The following TIMP2 variants were observed in gnomAD, a reference collection of about 807,000 sequenced individuals.
The protein encoded by TIMP2 is TIMP metallopeptidase inhibitor 2, also known as metalloproteinase inhibitor 2.
A neutral mutation model predicts 24.3 loss-of-function variants in TIMP2; 5 were observed. The ratio of observed to expected loss-of-function variants is 0.21; its 90% CI spans 0.11 to 0.43. The LOEUF is 0.43. TIMP2 is among the 20% of genes least tolerant of loss of function. The pLI is 1.00. For missense variants in TIMP2, 221 were observed against 297.5 expected, an observed-to-expected ratio of 0.74 and a Z score of 1.89; for synonymous variants, 130 against 123.2, an observed-to-expected ratio of 1.06 and a Z score of -0.37.
Position 78,892,648 on chromosome 17 carries a change from C to T in TIMP2, c.131-18729G>A, listed in dbSNP as rs984645616. Reference sequence around the variant, plus strand: ...CAATTTCTGTCCTGTACACTTTTGACAAGAGCCTGTAGGGCAGCTGTTTTG... The same window carrying T: ...CAATTTCTGTCCTGTACACTTTTGATAAGAGCCTGTAGGGCAGCTGTTTTG... On this transcript the variant is annotated intron_variant, in intron 1 of 4. Transcript: ENST00000262768. 6.7e-5 allele frequency: 56 copies of T among 834,598 alleles called. 2 individuals carry two copies. The highest frequency in any genetic ancestry group is 9.4e-5 in the Non-Finnish European group (52 of 552,854). 51.7% of individuals were successfully genotyped at this position (834,598 alleles called of 1,614,324 possible). A position where few individuals can be genotyped will look rare whatever the true frequency, so the allele number is the denominator to read the frequency against.
chr17:78,874,117 C>T, intron 1 of TIMP2, 198 bp from the exon 2 acceptor site: 1 of 512,310 alleles, frequency 2.0e-6, no homozygotes, highest in South Asian at 2.7e-5. Context: ...TGATGCCCAG[C>T]CTCCTCCTCC....
At chr17:78,912,317 G>A (rs113487865) in intron 1 of TIMP2, among the ~76,000 whole-genome samples, 11,586 of 152,246 alleles carry the variant, frequency 0.076, 498 homozygotes, top group Middle Eastern at 0.13. Context: ...CTACCATGAC[G>A]AGCCTTGGCA....
chr17:78,871,255 C>T (rs2069681038), intron 2 of TIMP2, among the ~76,000 whole-genome samples: 1 of 151,400 alleles, frequency 6.6e-6, no homozygotes, highest in Non-Finnish European at 1.5e-5. Flanking sequence ...AGTTTGAGAC[C>T]AGCCTGGCCA....
intron 1 of TIMP2, among the ~76,000 whole-genome samples, chr17:78,893,248 AGTGTGTGTGCAGGG>A (rs1568001072): frequency 3.2e-5 from 2 of 63,286 alleles, no homozygotes; most frequent in East Asian, 4.5e-4. Flanking sequence ...TGTGTGTAGG[AGTGTGTGTGCAGGG>A]GTGTGTGTGT....
At position 78,914,960 on chromosome 17, in the gene TIMP2, G is replaced by A. The variant is rs532626131; in HGVS notation, c.130+9999C>T. 6.7e-5 allele frequency among the ~76,000 whole-genome samples: 10 copies of A among 149,336 alleles called. No individual in the cohort carries two copies. In the East Asian group the frequency reaches 1.6e-3, roughly 24 times the overall value. ...TGCCCAGGCTGGCATGCAGTGGCAC[G>A]ATCTCGGCTCACTGCAACCTCCGCC... On this transcript the variant is annotated intron_variant, in intron 1 of 4. Transcript: ENST00000262768.
chr17:78,883,951 C>T (rs936438259), intron 1 of TIMP2, among the ~76,000 whole-genome samples: 6 of 152,236 alleles, frequency 3.9e-5, no homozygotes, highest in African/African-American at 9.6e-5. Flanking sequence ...TTCCCATTCA[C>T]GTGCTGCTGA....
intron 1 of TIMP2, chr17:78,901,652 A>G (rs2070095220): frequency 1.4e-6 from 1 of 707,306 alleles, no homozygotes; most frequent in Non-Finnish European, 2.6e-6. Flanking sequence ...AGGCCAAGCG[A>G]CTTCACTCTG....
At position 78,884,278 on chromosome 17, in the gene TIMP2, T is replaced by TG. The variant is rs375704739; in HGVS notation, c.131-10360dup. 4.6e-3 allele frequency among the ~76,000 whole-genome samples: 701 copies of TG among 152,222 alleles called. 8 individuals carry two copies. Among genetic ancestry groups the TG allele is most frequent in the African/African-American group, 0.016 (658 of 41,536 alleles). On this transcript the variant is annotated intron_variant, in intron 1 of 4. Coordinates refer to ENST00000262768, the MANE Select transcript of TIMP2 (RefSeq NM_003255.5). ...GCAGATTCTCTCCTCGCACTGTTGC[T>TG]GGGGGGCTGCGACAGCGCGAGGTGG...
intron 3 of TIMP2, among the ~76,000 whole-genome samples, chr17:78,861,917 TGTATAAATGTGAAGA>T (rs2069570260): frequency 6.6e-6 from 1 of 152,160 alleles, no homozygotes; most frequent in African/African-American, 2.4e-5. Context: ...GTGGCTGTCA[TGTATAAATGTGAAGA>T]GAGGACCGCC....
At chr17:78,874,819 C>T (rs2069716150) in intron 1 of TIMP2, among the ~76,000 whole-genome samples, 1 of 151,976 alleles carries the variant, frequency 6.6e-6, no homozygotes, top group African/African-American at 2.4e-5. Context: ...TGGCTCACTG[C>T]AACTTCTGCC....
At position 78,897,098 on chromosome 17, in the gene TIMP2, C is replaced by T; in HGVS notation, c.131-23179G>A. The T allele has an allele frequency of 9.9e-6, 6 of 605,218 alleles. No individual in the cohort carries two copies. The South Asian group carries it at 2.9e-4, about 29-fold the overall frequency. The allele number at this position is 605,218 out of a possible 1,614,324, so 37.5% of individuals were successfully genotyped here. A position where few individuals can be genotyped will look rare whatever the true frequency, so the allele number is the denominator to read the frequency against. On this transcript the variant is annotated intron_variant, in intron 1 of 4. Transcript: ENST00000262768. ...AGTGCCAGGGCCCACAGACAGCACC[C>T]CCCCGCCCCCCGCCGGCCTCCTCAC...
chr17:78,867,591 C>T (rs1490726504), intron 3 of TIMP2, among the ~76,000 whole-genome samples: 1 of 144,778 alleles, frequency 6.9e-6, no homozygotes, highest in East Asian at 2.0e-4. Flanking sequence ...CCTTTTGTAC[C>T]TTCTTTTTTT....
intron 1 of TIMP2, 44 bp from the exon 2 acceptor site, chr17:78,873,963 C>A (rs938864950): frequency 6.4e-7 from 1 of 1,574,776 alleles, no homozygotes; most frequent in Non-Finnish European, 8.7e-7. Context: ...TCCTGAAACA[C>A]GCTCCTGGGG....
At chr17:78,905,726 G>A (rs991755426) in intron 1 of TIMP2, among the ~76,000 whole-genome samples, 2 of 152,204 alleles carry the variant, frequency 1.3e-5, no homozygotes, top group African/African-American at 4.8e-5. Context: ...CCCATCCTCT[G>A]GATTAATCCG....
rs775894136 is a variant in TIMP2, at chr17:78,855,858, G to A, written c.472C>T (p.Arg158Cys). The A allele has an allele frequency of 5.6e-6, 9 of 1,613,944 alleles. No individual in the cohort carries two copies. Among genetic ancestry groups the A allele is most frequent in the East Asian group, 2.2e-5 (1 of 44,872 alleles). The stretch of plus-strand genomic sequence containing the variant: ...ATGTAGCACGGGATCATGGGGCAGC[G>A]CGTGATCTGGGGAGGGGCACACGGA... The part of the protein sequence containing the change: ...YQMGCECKIT[R>C]CPMIPCYISS... The change falls in exon 5 of 5, where the codon CGC (arginine) becomes TGC (cysteine). Residue 158 changes from arginine to cysteine, a missense_variant. Arg to Cys is a radical substitution (Grantham distance 180, BLOSUM62 -3). Coordinates refer to ENST00000262768, the MANE Select transcript of TIMP2 (RefSeq NM_003255.5). The surrounding 1 kb of genome is among the most constrained non-coding windows in gnomAD (Gnocchi z 6.0).
Position 78,909,155 on chromosome 17 carries a change from C to A in TIMP2, c.130+15804G>T, listed in dbSNP as rs201004689. On this transcript the variant is annotated intron_variant, in intron 1 of 4. Transcript: ENST00000262768. Reference sequence around the variant, plus strand: ...TTGAACCCAGGAGTTCGAGACCAGACTGGGCAACATAGCAAGATCTGGTTT... The same window carrying A: ...TTGAACCCAGGAGTTCGAGACCAGAATGGGCAACATAGCAAGATCTGGTTT... Among the ~76,000 whole-genome samples the A allele has an allele frequency of 9.2e-5, 14 of 152,242 alleles. No homozygotes were observed. The East Asian group carries it at 2.7e-3, about 29-fold the overall frequency.
chr17:78,884,831 C>T (rs553267102), intron 1 of TIMP2, among the ~76,000 whole-genome samples: 1 of 152,332 alleles, frequency 6.6e-6, no homozygotes, highest in East Asian at 1.9e-4. Flanking sequence ...TCTACCCACC[C>T]GTCCACTCTA....
chr17:78,891,827 C>T lies in TIMP2; in HGVS notation c.131-17908G>A. ...CCCAGACTTGGTCGAAGGTTCTGGCCTTCCCTTTCTCTTCTCAGGCGGGGC... is the reference window on the plus strand; with the variant it reads ...CCCAGACTTGGTCGAAGGTTCTGGCTTTCCCTTTCTCTTCTCAGGCGGGGC... On this transcript the variant is annotated intron_variant, in intron 1 of 4. Transcript: ENST00000262768. This position sits in a 1 kb window ranked among gnomAD's most constrained non-coding sequence, Gnocchi z 4.5. 1 of 1,550,852 alleles carries T rather than the reference C, an allele frequency of 6.4e-7. No homozygotes were observed. Among genetic ancestry groups the T allele is most frequent in the Non-Finnish European group, 8.7e-7 (1 of 1,147,046 alleles).
chr17:78,880,102 T>C (rs116705791), intron 1 of TIMP2, among the ~76,000 whole-genome samples: 2,327 of 152,148 alleles, frequency 0.015, 74 homozygotes, highest in African/African-American at 0.053. Context: ...GTCACCAGCA[T>C]GTGCCAGGGC....
Sources: allele counts gnomAD v4.1 joint callset (sites outside exome capture counted in the v4.1 genomes callset), GRCh38; gene constraint gnomAD v4.1.1; non-coding constraint Gnocchi (gnomAD v3.1); transcripts MANE v1.5; gene names NCBI Gene and HGNC (gene_info 2026-07-23, HGNC 2026-07-21).